Variants in LSP1 observed in about 807,000 individuals in gnomAD.
The protein encoded by LSP1 is lymphocyte specific protein 1, also known as lymphocyte-specific protein 1.
In LSP1, 32 loss-of-function variants were observed where a neutral mutation model predicts 49.3. The observed-to-expected ratio is 0.65, with a 90% confidence interval of 0.49 to 0.87. The LOEUF (loss-of-function observed/expected upper bound fraction) is 0.87, where lower values mean the gene tolerates loss of function less well. Ranked by LOEUF, LSP1 falls within the 40% of genes least tolerant of loss-of-function variation. The pLI, the probability that LSP1 is intolerant of heterozygous loss-of-function variation, is 0.00. For missense variants in LSP1, 428 were observed against 442.6 expected (o/e 0.97, Z 0.30); for synonymous variants, 179 against 178.8 (o/e 1.00, Z -0.01).
At chr11:1,877,639 G>T (rs369995087) in intron 1 of LSP1, among the ~76,000 whole-genome samples, 54 of 115,616 alleles carry the variant, frequency 4.7e-4, no homozygotes, top group African/African-American at 1.9e-3. Context: ...GATCCCTGGA[G>T]GGGGACGTGG....
At chr11:1,888,422 C>A (rs947626268) in intron 10 of LSP1, among the ~76,000 whole-genome samples, 3 of 152,164 alleles carry the variant, frequency 2.0e-5, no homozygotes, top group Non-Finnish European at 4.4e-5. Flanking sequence ...AGTGCTGAGA[C>A]CCTCGCTGTC....
chr11:1,882,339 T>A (rs943054644), intron 3 of LSP1, among the ~76,000 whole-genome samples: 1 of 152,072 alleles, frequency 6.6e-6, no homozygotes, highest in Non-Finnish European at 1.5e-5. Context: ...GGGCTGACAG[T>A]TCTCCCTGGT....
At chr11:1,866,767 T>A in intron 1 of LSP1, 1 of 1,550,394 alleles carries the variant, frequency 6.4e-7, no homozygotes, top group Non-Finnish European at 8.7e-7. Context: ...CAGTGCTACT[T>A]AACAAATGGG....
intron 1 of LSP1, among the ~76,000 whole-genome samples, chr11:1,854,433 T>C (rs149465075): frequency 6.6e-6 from 1 of 152,262 alleles, no homozygotes; most frequent in African/African-American, 2.4e-5. Flanking sequence ...CACACAAAGC[T>C]CCTGTGCTGT....
intron 1 of LSP1, among the ~76,000 whole-genome samples, chr11:1,864,602 G>C (rs1589809096): frequency 6.6e-6 from 1 of 152,102 alleles, no homozygotes; most frequent in East Asian, 1.9e-4. Flanking sequence ...TTCTCGGAAG[G>C]AGGAGGAGGT....
chr11:1,887,187 C>T (rs1489744771), intron 8 of LSP1, 50 bp from the exon 9 acceptor site: 1 of 1,388,752 alleles, frequency 7.2e-7, no homozygotes, highest in African/African-American at 1.4e-5. Flanking sequence ...GCTTCTACTC[C>T]CCAAGATCCA....
At chr11:1,881,358 C>T (rs1589826764) in intron 2 of LSP1, 74 bp from the exon 3 acceptor site, 5 of 1,416,190 alleles carry the variant, frequency 3.5e-6, no homozygotes, top group South Asian at 2.8e-5. Flanking sequence ...GAGCGGGCGC[C>T]GTGAGGTGAG....
chr11:1,889,598 G>T, intron 10 of LSP1: 1 of 613,636 alleles, frequency 1.6e-6, no homozygotes, highest in Non-Finnish European at 3.0e-6. Flanking sequence ...CAACTTTGGG[G>T]ACAGGGCATG....
chr11:1,884,380 G>C lies in LSP1; in HGVS notation c.635+57G>C. 3 of 1,612,028 alleles carry C rather than the reference G, an allele frequency of 1.9e-6. No individual in the cohort carries two copies. The highest frequency in any genetic ancestry group is 2.5e-6 in the Non-Finnish European group (3 of 1,178,240). On this transcript the variant is annotated intron_variant, in intron 6 of 10. Coordinates refer to ENST00000311604, the MANE Select transcript of LSP1 (RefSeq NM_002339.3). The surrounding 1 kb of genome is among the most constrained non-coding windows in gnomAD (Gnocchi z 4.1). The stretch of plus-strand genomic sequence containing the variant: ...TCAGATCTTAGGTTTAACCAAGTGG[G>C]GGTTGAAGGGAGTCACAAGGTAGAG...
chr11:1,884,142 C>A lies in LSP1; in HGVS notation c.591+118C>A, dbSNP rs1848659398. ...CCCAGGCCTGGCTTTTGTCTGCTAT[C>A]CCCCCATTGCCCGGTGCTCAGCGAA... On this transcript the variant is annotated intron_variant, in intron 5 of 10. Transcript: ENST00000311604. This position sits in a 1 kb window ranked among gnomAD's most constrained non-coding sequence, Gnocchi z 4.1. The A allele has an allele frequency of 1.4e-6, 2 of 1,403,980 alleles. No homozygotes were observed. The highest frequency in any genetic ancestry group is 2.0e-6 in the Non-Finnish European group (2 of 996,814). The allele number at this position is 1,403,980 out of a possible 1,614,324, so 87.0% of individuals were successfully genotyped here.
At chr11:1,863,195 A>AC (rs1229665922) in intron 1 of LSP1, 1 of 151,974 alleles carries the variant, frequency 6.6e-6, no homozygotes, top group East Asian at 1.9e-4. Flanking sequence ...TGTTGCCGCC[A>AC]CCCCCGGCGT....
chr11:1,861,213 T>C (rs1847620539), intron 1 of LSP1, among the ~76,000 whole-genome samples: 1 of 152,262 alleles, frequency 6.6e-6, no homozygotes, highest in African/African-American at 2.4e-5. Flanking sequence ...GAATTACTTA[T>C]TTCCATGAGG....
intron 3 of LSP1, among the ~76,000 whole-genome samples, chr11:1,882,521 C>G (rs1334737098): frequency 6.6e-6 from 1 of 152,190 alleles, no homozygotes; most frequent in Non-Finnish European, 1.5e-5. Flanking sequence ...TCAGTCTCCC[C>G]CCTACGTGCT....
At chr11:1,885,682 C>G (rs1369952677) in intron 7 of LSP1, among the ~76,000 whole-genome samples, 20 of 151,916 alleles carry the variant, frequency 1.3e-4, no homozygotes, top group Admixed American at 1.3e-3. Flanking sequence ...AACCAACACT[C>G]TACTAAATCA....
At chr11:1,870,026 G>C (rs531203504) in intron 1 of LSP1, 1 of 399,664 alleles carries the variant, frequency 2.5e-6, no homozygotes, top group African/African-American at 2.1e-5. Flanking sequence ...GCACCTCCGA[G>C]CCTCCGTTTG....
intron 1 of LSP1, chr11:1,866,401 TGAG>T: frequency 1.5e-6 from 2 of 1,343,618 alleles, no homozygotes; most frequent in East Asian, 5.1e-5. Context: ...AAGTGGGGTC[TGAG>T]GAGTTGAGGG....
intron 1 of LSP1, chr11:1,868,844 A>G: frequency 2.0e-6 from 2 of 985,816 alleles, no homozygotes; most frequent in Non-Finnish European, 2.4e-6. Flanking sequence ...AGCTGGGCAG[A>G]GCGGCCAGCA....
chr11:1,887,049 G>A (rs919843820), intron 8 of LSP1, among the ~76,000 whole-genome samples, 183 bp downstream of exon 8: 2 of 152,228 alleles, frequency 1.3e-5, no homozygotes, highest in Non-Finnish European at 2.9e-5. Flanking sequence ...TGTGTTGTCC[G>A]AGTGGAGGTA....
At chr11:1,854,191 A>C (rs1232422884) in intron 1 of LSP1, among the ~76,000 whole-genome samples, 1 of 152,082 alleles carries the variant, frequency 6.6e-6, no homozygotes. Flanking sequence ...GCCTAGGAGC[A>C]GGTCAGCGGG....
Sources: gnomAD v4.1 joint callset for allele counts (sites outside exome capture counted in the v4.1 genomes callset) on GRCh38, gnomAD v4.1.1 for gene constraint, Gnocchi (gnomAD v3.1) non-coding constraint, MANE v1.5 for transcripts, NCBI Gene and HGNC (gene_info 2026-07-23, HGNC 2026-07-21) for gene names.